The following LPGAT1 variants were observed in gnomAD, a reference collection of about 807,000 sequenced individuals.
LPGAT1 encodes the protein lysophosphatidylglycerol acyltransferase 1.
In LPGAT1, 11 loss-of-function variants were observed where a neutral mutation model predicts 47.5. The observed-to-expected ratio is 0.23, with a 90% CI of 0.15 to 0.38. The LOEUF (loss-of-function observed/expected upper bound fraction) is 0.38. Ranked by LOEUF, LPGAT1 falls within the 10% of genes least tolerant of loss-of-function variation. The pLI is 1.00. For synonymous variants in LPGAT1, 138 were observed against 144.2 expected (o/e 0.96, Z 0.31); for missense variants, 293 against 439.0 (o/e 0.67, Z 2.97).
rs908408053 is a variant in LPGAT1, at chr1:211,778,358, A to C, written c.854+560T>G. On this transcript the variant is annotated intron_variant, in intron 6 of 7. Coordinates refer to ENST00000366997, the MANE Select transcript of LPGAT1 (RefSeq NM_014873.3). The stretch of plus-strand genomic sequence containing the variant: ...CTCTGTCTCAAAAAAAAAAAAAAAA[A>C]AAAAAAAAAAAAAAAAGGAAGGCAT... Among the ~76,000 whole-genome samples the C allele has an allele frequency of 4.7e-3, 601 of 127,338 alleles. 15 individuals are homozygous for C. Among genetic ancestry groups the C allele is most frequent in the African/African-American group, 0.013 (467 of 34,752 alleles). 83.5% of individuals were successfully genotyped at this position (127,338 alleles called of 152,430 possible). A position where few individuals can be genotyped will look rare whatever the true frequency, so the allele number is the denominator to read the frequency against.
intron 6 of LPGAT1, among the ~76,000 whole-genome samples, chr1:211,757,186 G>A (rs1172010757): frequency 2.6e-5 from 4 of 151,442 alleles, no homozygotes; most frequent in Non-Finnish European, 5.9e-5. Flanking sequence ...ACTGGAAGGC[G>A]GAGGTTGCAG....
intron 5 of LPGAT1, among the ~76,000 whole-genome samples, chr1:211,779,625 C>A (rs898119737): frequency 6.6e-6 from 1 of 151,978 alleles, no homozygotes; most frequent in African/African-American, 2.4e-5. Flanking sequence ...CAGAGGTGGG[C>A]GGATCACCTG....
In LPGAT1 at chr1:211,829,117, G is replaced by C; in HGVS notation, c.180C>G (p.Ile60Met). Residue 60 changes from isoleucine (I) to methionine (M), a missense_variant, in exon 2 of 8, where the codon ATC becomes ATG. Transcript: ENST00000366997. ...CCATTCCTAAAAGCCATTTATACATGATTCCTTCGATATACCAGAACCGCT... is the reference window on the plus strand; with the variant it reads ...CCATTCCTAAAAGCCATTTATACATCATTCCTTCGATATACCAGAACCGCT... ...DSKRFWYIEG[I>M]MYKWLLGMVA... The C allele has an allele frequency of 1.2e-5, 20 of 1,614,058 alleles. No homozygotes were observed. The highest frequency in any genetic ancestry group is 1.6e-5 in the Non-Finnish European group (19 of 1,180,012).
At position 211,829,465 on chromosome 1, in the gene LPGAT1, G is replaced by C. The variant is rs78187247; in HGVS notation, c.-27-142C>G. The C allele has an allele frequency of 6.2e-3, 8,979 of 1,443,284 alleles. 455 individuals carry two copies. In the African/African-American group the frequency reaches 0.11, roughly 18 times the overall value. 89.4% of individuals were successfully genotyped at this position (1,443,284 alleles called of 1,614,324 possible). A position where few individuals can be genotyped will look rare whatever the true frequency, so the allele number is the denominator to read the frequency against. On this transcript the variant is annotated intron_variant, in intron 1 of 7. Coordinates refer to ENST00000366997, the MANE Select transcript of LPGAT1 (RefSeq NM_014873.3). ...GGTGTAGTACCTCGGTGATCTCTCAGGGGAAATTCCAGAGGGGGACAGAGA... is the reference window on the plus strand; with the variant it reads ...GGTGTAGTACCTCGGTGATCTCTCACGGGAAATTCCAGAGGGGGACAGAGA...
intron 2 of LPGAT1, among the ~76,000 whole-genome samples, chr1:211,793,691 C>T (rs1379610260): frequency 6.6e-6 from 1 of 152,114 alleles, no homozygotes; most frequent in Non-Finnish European, 1.5e-5. Flanking sequence ...CCTTGGCCTC[C>T]CAAAGTGCTG....
chr1:211,762,351 G>A (rs982663398), intron 6 of LPGAT1, among the ~76,000 whole-genome samples: 14 of 152,272 alleles, frequency 9.2e-5, no homozygotes, highest in African/African-American at 3.4e-4. Context: ...ACACGGGGAC[G>A]GGGCTATGTG....
intron 6 of LPGAT1, among the ~76,000 whole-genome samples, chr1:211,761,038 T>A (rs915250539): frequency 3.3e-5 from 5 of 152,202 alleles, no homozygotes; most frequent in Non-Finnish European, 5.9e-5. Flanking sequence ...GTAGCGCTTT[T>A]TTAACTATTC....
chr1:211,767,671 C>A (rs898076912), intron 6 of LPGAT1, among the ~76,000 whole-genome samples: 4 of 152,018 alleles, frequency 2.6e-5, no homozygotes, highest in African/African-American at 9.7e-5. Flanking sequence ...CAATAAAAAA[C>A]AAGTGATGAT....
At position 211,749,943 on chromosome 1, in the gene LPGAT1, T is replaced by C. The variant is rs758362079; in HGVS notation, c.1069A>G (p.Met357Val). 3.1e-6 allele frequency: 5 copies of C among 1,614,130 alleles called. No individual in the cohort carries two copies. Among genetic ancestry groups the C allele is most frequent in the African/African-American group, 1.3e-5 (1 of 75,054 alleles). ...IQSFAFLSGYMWYNIIQYFYH... is the reference protein window; with the variant it reads ...IQSFAFLSGYVWYNIIQYFYH... ...AAATACTGAATGATGTTGTACCACATATAGCCTGACAAAAATGCAAAAGAC... is the reference window on the plus strand; with the variant it reads ...AAATACTGAATGATGTTGTACCACACATAGCCTGACAAAAATGCAAAAGAC... The change falls in exon 8 of 8, where the codon ATG (methionine) becomes GTG (valine). Residue 357 changes from methionine (M) to valine (V), a missense_variant. By Grantham distance (21) the Met-to-Val change is conservative (BLOSUM62 1). Coordinates refer to ENST00000366997, the MANE Select transcript of LPGAT1 (RefSeq NM_014873.3).
At chr1:211,794,178 C>A (rs1243335228) in intron 2 of LPGAT1, among the ~76,000 whole-genome samples, 1 of 152,168 alleles carries the variant, frequency 6.6e-6, no homozygotes, top group African/African-American at 2.4e-5. Context: ...AATAATAAAA[C>A]TAATACAAAT....
At chr1:211,788,796 C>G (rs943389290) in intron 3 of LPGAT1, among the ~76,000 whole-genome samples, 1 of 152,076 alleles carries the variant, frequency 6.6e-6, no homozygotes, top group South Asian at 2.1e-4. Flanking sequence ...AAAGTGAAAG[C>G]TACAACCTCA....
rs949728220 is a variant in LPGAT1, at chr1:211,783,538, T to C, written c.454-36A>G. 4.6e-6 allele frequency: 7 copies of C among 1,522,822 alleles called. No individual in the cohort carries two copies. In the Admixed American group the frequency reaches 1.0e-4, roughly 23 times the overall value. The allele number at this position is 1,522,822 out of a possible 1,614,324, so 94.3% of individuals were successfully genotyped here. On this transcript the variant is annotated intron_variant, in intron 4 of 7. Transcript: ENST00000366997. ...CACACACACGTAATAAGTACAGGTA[T>C]ATCCAAAATTAAAATGCCATAAAAT...
chr1:211,769,867 A>G (rs927652258), intron 6 of LPGAT1, among the ~76,000 whole-genome samples: 1 of 152,128 alleles, frequency 6.6e-6, no homozygotes, highest in Non-Finnish European at 1.5e-5. Context: ...ATCTTGTGCC[A>G]TAACCTCTTA....
chr1:211,750,571 T>C (rs904630989), intron 7 of LPGAT1, among the ~76,000 whole-genome samples: 3 of 152,228 alleles, frequency 2.0e-5, no homozygotes, highest in Admixed American at 2.0e-4. Flanking sequence ...TGCTGATTCC[T>C]CTATTTACAA....
intron 6 of LPGAT1, among the ~76,000 whole-genome samples, chr1:211,752,663 C>T (rs1287215285): frequency 2.0e-5 from 3 of 151,088 alleles, no homozygotes; most frequent in African/African-American, 4.9e-5. Flanking sequence ...AAAAGACCAC[C>T]TTGCCCAATC....
At chr1:211,806,674 T>C (rs1170891640) in intron 2 of LPGAT1, among the ~76,000 whole-genome samples, 1 of 152,144 alleles carries the variant, frequency 6.6e-6, no homozygotes, top group Non-Finnish European at 1.5e-5. Context: ...ATTTAACAAA[T>C]AAAATTTTTT....
At chr1:211,757,281 C>T (rs1018036542) in intron 6 of LPGAT1, among the ~76,000 whole-genome samples, 2 of 151,738 alleles carry the variant, frequency 1.3e-5, no homozygotes, top group African/African-American at 4.8e-5. Flanking sequence ...ATTGGGCAGA[C>T]TGCCTGGGGT....
At chr1:211,766,952 C>G (rs1014863652) in intron 6 of LPGAT1, among the ~76,000 whole-genome samples, 1 of 152,096 alleles carries the variant, frequency 6.6e-6, no homozygotes, top group African/African-American at 2.4e-5. Context: ...TATACTTTTT[C>G]TAAATATCTG....
At chr1:211,754,944 G>A (rs1657374765) in intron 6 of LPGAT1, among the ~76,000 whole-genome samples, 1 of 151,720 alleles carries the variant, frequency 6.6e-6, no homozygotes, top group African/African-American at 2.4e-5. Flanking sequence ...AACCCAGGAG[G>A]TGGAGGTTGC....
Sources: gnomAD v4.1 joint callset for allele counts (sites outside exome capture counted in the v4.1 genomes callset) on GRCh38, gnomAD v4.1.1 for gene constraint, MANE v1.5 for transcripts, NCBI Gene and HGNC (gene_info 2026-07-23, HGNC 2026-07-21) for gene names.